Variants in MEGF10 observed in about 807,000 individuals in gnomAD.
The protein encoded by MEGF10 is multiple EGF like domains 10.
Under a neutral mutation model 147.5 loss-of-function variants are expected in MEGF10, and 86 were observed. The ratio of observed to expected loss-of-function variants is 0.58; its 90% confidence interval spans 0.49 to 0.70. The LOEUF is 0.70. Ranked by LOEUF, MEGF10 falls within the 30% of genes least tolerant of loss-of-function variation. The pLI is 0.00. For missense variants in MEGF10, 1,329 were observed against 1,487.3 expected (o/e 0.89, Z 1.75); for synonymous variants, 478 against 525.5 (o/e 0.91, Z 1.24).
intron 12 of MEGF10, 91 bp downstream of exon 12, chr5:127,420,298 TG>T (rs1400220309): frequency 5.6e-6 from 8 of 1,431,632 alleles, no homozygotes; most frequent in Non-Finnish European, 7.5e-6. Context: ...TGACTTCAAG[TG>T]GCTCACTGTG....
At chr5:127,269,661 C>A in the MEGF10 span, among the ~76,000 whole-genome samples, 1 of 152,334 alleles carries the variant, frequency 6.6e-6, no homozygotes, top group East Asian at 1.9e-4. Context: ...TTGGAAAACA[C>A]TCTTCAGGAT....
intron 13 of MEGF10, among the ~76,000 whole-genome samples, chr5:127,427,237 T>G (rs1275075516): frequency 1.3e-5 from 2 of 152,178 alleles, no homozygotes; most frequent in Non-Finnish European, 2.9e-5. Context: ...TGCTGTGTCA[T>G]ATTACTCTAG....
intron 8 of MEGF10, among the ~76,000 whole-genome samples, chr5:127,407,239 G>A (rs17604882): frequency 0.1 from 15,241 of 152,146 alleles, 910 homozygotes; most frequent in Non-Finnish European, 0.13. Flanking sequence ...CAGCTGATTC[G>A]TAGATTCCAG....
chr5:127,454,017 C>A (rs1328562902), intron 22 of MEGF10, among the ~76,000 whole-genome samples: 1 of 152,120 alleles, frequency 6.6e-6, no homozygotes, highest in Non-Finnish European at 1.5e-5. Context: ...GGCTCATACA[C>A]AATTATGTCC....
intron 13 of MEGF10, among the ~76,000 whole-genome samples, chr5:127,429,713 C>A (rs1344238554): frequency 6.6e-6 from 1 of 152,112 alleles, no homozygotes; most frequent in African/African-American, 2.4e-5. Context: ...CATGCCTTGT[C>A]ACTTTGATCA....
At chr5:127,454,959 G>A (rs1250429468) in intron 23 of MEGF10, among the ~76,000 whole-genome samples, 1 of 152,260 alleles carries the variant, frequency 6.6e-6, no homozygotes, top group East Asian at 1.9e-4. Flanking sequence ...ACCAAGTTCT[G>A]CTGTTCAGGA....
chr5:127,405,514 A>C (rs1764290180), intron 8 of MEGF10, among the ~76,000 whole-genome samples: 1 of 152,174 alleles, frequency 6.6e-6, no homozygotes, highest in African/African-American at 2.4e-5. Context: ...TGTTTTTAGC[A>C]AACTCTGGAG....
At chr5:127,278,956 T>C in the MEGF10 span, among the ~76,000 whole-genome samples, 2 of 152,098 alleles carry the variant, frequency 1.3e-5, no homozygotes. Flanking sequence ...GAATTTAGAG[T>C]GATGCTCATT....
chr5:127,322,545 A>G (rs935588103), intron 1 of MEGF10, among the ~76,000 whole-genome samples: 2 of 152,118 alleles, frequency 1.3e-5, no homozygotes, highest in African/African-American at 4.8e-5. Flanking sequence ...CCCTAATCAC[A>G]TTTTACATTG....
intron 1 of MEGF10, among the ~76,000 whole-genome samples, chr5:127,317,063 A>AT (rs1760582725): frequency 6.6e-6 from 1 of 152,184 alleles, no homozygotes; most frequent in Non-Finnish European, 1.5e-5. Flanking sequence ...CATATACATG[A>AT]GTTTGTTGAG....
chr5:127,417,119 T>C (rs1580843251), intron 9 of MEGF10, among the ~76,000 whole-genome samples: 2 of 152,216 alleles, frequency 1.3e-5, no homozygotes, highest in Admixed American at 1.3e-4. Context: ...GCGCAGCTGA[T>C]ATGTCCATTT....
Position 127,419,198 on chromosome 5 carries a change from G to T in MEGF10, c.1384G>T (p.Ala462Ser). ...CSSRCGCKNDAVCSPVDGSCT... is the reference protein window; with the variant it reads ...CSSRCGCKNDSVCSPVDGSCT... ...CTCTCGCTGTGGCTGTAAAAATGAT[G>T]CAGTCTGCTCTCCTGTGGACGGGTC... The change falls in exon 11 of 25, where the codon GCA (alanine) becomes TCA (serine). Residue 462 changes from alanine to serine, a missense_variant. By Grantham distance (99) the Ala-to-Ser change is moderately conservative. Around this residue, in one of 3 missense-constraint regions of MEGF10, gnomAD observed 980 missense variants for 1,085.9 expected, o/e 0.90. Transcript: ENST00000503335. 6.2e-7 allele frequency: 1 copy of T among 1,614,146 alleles called. No homozygotes were observed. The highest frequency in any genetic ancestry group is 8.5e-7 in the Non-Finnish European group (1 of 1,180,034).
chr5:127,349,460 T>G (rs889195769), intron 4 of MEGF10, among the ~76,000 whole-genome samples: 4 of 152,136 alleles, frequency 2.6e-5, no homozygotes, highest in African/African-American at 9.7e-5. Context: ...ATTTTTGTCT[T>G]GCAAAACAGA....
intron 1 of MEGF10, among the ~76,000 whole-genome samples, chr5:127,308,617 A>G (rs1415198904): frequency 1.3e-5 from 2 of 152,174 alleles, no homozygotes; most frequent in African/African-American, 4.8e-5. Flanking sequence ...GCAAGGACGA[A>G]AAACCAAACA....
At chr5:127,267,466 T>C in the MEGF10 span, among the ~76,000 whole-genome samples, 1 of 152,244 alleles carries the variant, frequency 6.6e-6, no homozygotes, top group Non-Finnish European at 1.5e-5. Context: ...TCCCTCTTTT[T>C]CTATTGATTG....
At chr5:127,350,995 G>A (rs1762065532) in intron 4 of MEGF10, among the ~76,000 whole-genome samples, 2 of 150,278 alleles carry the variant, frequency 1.3e-5, no homozygotes, top group Admixed American at 6.7e-5. Flanking sequence ...CAGAGGATGG[G>A]AAGGATAGTG....
intron 5 of MEGF10, among the ~76,000 whole-genome samples, chr5:127,372,060 C>T (rs1183160366): frequency 1.3e-5 from 2 of 152,160 alleles, no homozygotes; most frequent in Non-Finnish European, 2.9e-5. Flanking sequence ...TCACTCTTGA[C>T]TAGATAATTC....
At chr5:127,376,152 T>G (rs1240784958) in intron 5 of MEGF10, among the ~76,000 whole-genome samples, 1 of 152,030 alleles carries the variant, frequency 6.6e-6, no homozygotes, top group African/African-American at 2.4e-5. Context: ...AGAAAACAGA[T>G]TGCAATAGAC....
intron 4 of MEGF10, among the ~76,000 whole-genome samples, chr5:127,346,258 T>C (rs987968529): frequency 6.6e-6 from 1 of 152,214 alleles, no homozygotes; most frequent in African/African-American, 2.4e-5. Flanking sequence ...GTAGATCTAC[T>C]TTTAGTTCTT....
Sources: allele counts gnomAD v4.1 joint callset (sites outside exome capture counted in the v4.1 genomes callset), GRCh38; gene constraint gnomAD v4.1.1; regional missense constraint gnomAD v4.1.1; transcripts MANE v1.5; gene names NCBI Gene and HGNC (gene_info 2026-07-23, HGNC 2026-07-21).